RAPGEF5: variants seen among roughly 807,000 people sequenced by gnomAD.
The protein encoded by RAPGEF5 is Rap guanine nucleotide exchange factor 5.
RAPGEF5 carries 65 observed loss-of-function variants against 125.2 expected under a neutral mutation model. The ratio of observed to expected loss-of-function variants is 0.52; its 90% CI spans 0.43 to 0.64. RAPGEF5 has a LOEUF of 0.64. RAPGEF5 is among the 30% of genes least tolerant of loss of function. The pLI is 0.00. For missense variants in RAPGEF5, 958 were observed against 1,048.1 expected (o/e 0.91, Z 1.19); for synonymous variants, 391 against 385.9 (o/e 1.01, Z -0.16).
chr7:22,335,774 T>C (rs1185923650), intron 1 of RAPGEF5, among the ~76,000 whole-genome samples: 1 of 151,140 alleles, frequency 6.6e-6, no homozygotes, highest in African/African-American at 2.4e-5. Flanking sequence ...CACCATTTAG[T>C]CATTTAAAAA....
At chr7:22,164,418 G>A (rs1562731803) in intron 12 of RAPGEF5, among the ~76,000 whole-genome samples, 1 of 1,692 alleles carries the variant, frequency 5.9e-4, no homozygotes, top group African/African-American at 1.0e-3. Context: ...ATAAAGAAAA[G>A]AAATCAAGAA....
chr7:22,258,670 G>T (rs1357247478), intron 7 of RAPGEF5, among the ~76,000 whole-genome samples: 1 of 148,590 alleles, frequency 6.7e-6, no homozygotes, highest in East Asian at 2.0e-4. Context: ...ATAGATCAAT[G>T]GAACAGAATA....
chr7:22,308,240 A>C, intron 5 of RAPGEF5, 99 bp downstream of exon 5: 1 of 1,202,662 alleles, frequency 8.3e-7, no homozygotes, highest in Middle Eastern at 2.0e-4. Flanking sequence ...ACTCCCTCTT[A>C]AGTGAGACAG....
At chr7:22,144,314 TATA>T (rs1783358127) in intron 20 of RAPGEF5, among the ~76,000 whole-genome samples, 1 of 152,146 alleles carries the variant, frequency 6.6e-6, no homozygotes, top group South Asian at 2.1e-4. Flanking sequence ...ATTTAATAAA[TATA>T]ATAAGTTTTC....
chr7:22,313,528 G>A (rs925463870), intron 3 of RAPGEF5, among the ~76,000 whole-genome samples: 3 of 152,164 alleles, frequency 2.0e-5, no homozygotes, highest in Non-Finnish European at 2.9e-5. Flanking sequence ...CCAGATCACA[G>A]GAAAACACAT....
rs538642184 is a variant in RAPGEF5 at position 22,167,159 on chromosome 7, A to C, written c.1205-11T>G. The stretch of plus-strand genomic sequence containing the variant: ...CATCCAGGAGGGTCTCTGCAAAGAA[A>C]AAAAAAACAAACACAAGGTAAGCAA... On this transcript the variant is annotated splice_polypyrimidine_tract_variant and intron_variant, in intron 11 of 25. Transcript: ENST00000665637. The C allele has an allele frequency of 2.4e-5, 39 of 1,603,232 alleles. No homozygotes were observed. In the East Asian group the frequency reaches 6.9e-4, roughly 28 times the overall value.
intron 11 of RAPGEF5, among the ~76,000 whole-genome samples, chr7:22,187,191 C>G (rs1244077933): frequency 6.6e-6 from 1 of 152,186 alleles, no homozygotes; most frequent in East Asian, 1.9e-4. Context: ...TGGAGGTCAT[C>G]TACACCAATT....
chr7:22,149,417 T>C lies in RAPGEF5; in HGVS notation c.1884+990A>G, dbSNP rs897300494. Among the ~76,000 whole-genome samples the C allele has an allele frequency of 3.3e-5, 5 of 152,194 alleles. No individual in the cohort carries two copies. The South Asian group carries it at 1.0e-3, about 32-fold the overall frequency. On this transcript the variant is annotated intron_variant, in intron 18 of 25. Transcript: ENST00000665637. ...TCCATGAAGAGATGGGGACTCTGAG[T>C]TCCAGACACAATCGCAATCTGCTAG...
intron 19 of RAPGEF5, among the ~76,000 whole-genome samples, chr7:22,146,529 T>C (rs1041506334): frequency 2.6e-5 from 4 of 152,214 alleles, no homozygotes; most frequent in African/African-American, 9.6e-5. Flanking sequence ...TACATAAATA[T>C]GAATATGATT....
At chr7:22,317,402 G>A (rs1296563969) in intron 2 of RAPGEF5, among the ~76,000 whole-genome samples, 2 of 151,772 alleles carry the variant, frequency 1.3e-5, no homozygotes, top group Non-Finnish European at 2.9e-5. Flanking sequence ...CACCACGCCC[G>A]GCTAATTTTT....
Position 22,331,912 on chromosome 7 carries a change from C to T in RAPGEF5, c.232-13875G>A, listed in dbSNP as rs137936553. Among the ~76,000 whole-genome samples, 1,036 of 152,194 alleles carry T rather than the reference C, an allele frequency of 6.8e-3. 17 individuals carry two copies. The highest frequency in any genetic ancestry group is 0.024 in the African/African-American group (989 of 41,536). On this transcript the variant is annotated intron_variant, in intron 1 of 25. Coordinates refer to ENST00000665637, the MANE Select transcript of RAPGEF5 (RefSeq NM_012294.5). Reference sequence around the variant, plus strand: ...TCCAAGAATCATGACTTAGAGGAAACTTGTTGAAAGTAATGGAAAAACTTA... The same window carrying T: ...TCCAAGAATCATGACTTAGAGGAAATTTGTTGAAAGTAATGGAAAAACTTA...
At chr7:22,179,863 C>T (rs1010044410) in intron 11 of RAPGEF5, among the ~76,000 whole-genome samples, 1 of 152,150 alleles carries the variant, frequency 6.6e-6, no homozygotes, top group African/African-American at 2.4e-5. Flanking sequence ...AGGGGAGGAA[C>T]GTTGAGTCTC....
At chr7:22,276,369 G>A (rs1782555604) in intron 6 of RAPGEF5, among the ~76,000 whole-genome samples, 3 of 152,038 alleles carry the variant, frequency 2.0e-5, no homozygotes, top group Admixed American at 6.5e-5. Context: ...TTTATTCTAT[G>A]TTACACACCA....
chr7:22,195,468 A>C (rs1936482974), intron 9 of RAPGEF5, among the ~76,000 whole-genome samples: 1 of 152,214 alleles, frequency 6.6e-6, no homozygotes, highest in South Asian at 2.1e-4. Context: ...TTCTTTTTTA[A>C]TCTTTTAGTG....
intron 9 of RAPGEF5, among the ~76,000 whole-genome samples, chr7:22,217,927 T>C (rs1005770182): frequency 2.0e-5 from 3 of 152,198 alleles, no homozygotes; most frequent in Non-Finnish European, 4.4e-5. Context: ...TTCTGCCTCA[T>C]GTTAAAAGCC....
At chr7:22,227,924 A>T (rs78408503) in intron 8 of RAPGEF5, among the ~76,000 whole-genome samples, 2,037 of 152,320 alleles carry the variant, frequency 0.013, 41 homozygotes, top group African/African-American at 0.047. Flanking sequence ...TTTTCAGTAC[A>T]TTTTGACAAA....
chr7:22,182,157 TA>T lies in RAPGEF5; in HGVS notation c.1204+11209del, dbSNP rs1483288780. Among the ~76,000 whole-genome samples, 3 of 152,294 alleles carry T rather than the reference TA, an allele frequency of 2.0e-5. No individual in the cohort carries two copies. The East Asian group carries it at 5.8e-4, about 29-fold the overall frequency. ...CATTTTCTGATAGAATGCTAAATTTTACTTGAGGAAGATGTCATAAACATTT... is the reference window on the plus strand; with the variant it reads ...CATTTTCTGATAGAATGCTAAATTTTCTTGAGGAAGATGTCATAAACATTT... On this transcript the variant is annotated intron_variant, in intron 11 of 25. Transcript: ENST00000665637.
intron 1 of RAPGEF5, among the ~76,000 whole-genome samples, chr7:22,328,509 GTA>G (rs1235780368): frequency 6.6e-6 from 1 of 152,114 alleles, no homozygotes; most frequent in Admixed American, 6.5e-5. Context: ...GTCAATTTTT[GTA>G]TATACAAACA....
At position 22,197,900 on chromosome 7, in the gene RAPGEF5, G is replaced by GGGA. The variant is rs1554327466; in HGVS notation, c.997-3868_997-3867insTCC. Among the ~76,000 whole-genome samples, 595 of 145,132 alleles carry GGGA rather than the reference G, an allele frequency of 4.1e-3. 22 individuals carry two copies. The East Asian group carries it at 0.05, about 12-fold the overall frequency. On this transcript the variant is annotated intron_variant, in intron 9 of 25. Transcript: ENST00000665637. ...CTCTTTTTTCTTTTTTTTTGGGGGG[G>GGGA]GGTGGTAGGAGGACATTCTCACTCT... is the stretch of plus-strand genomic sequence containing the variant.
Sources: gnomAD v4.1 joint callset for allele counts (sites outside exome capture counted in the v4.1 genomes callset) on GRCh38, gnomAD v4.1.1 for gene constraint, MANE v1.5 for transcripts, NCBI Gene and HGNC (gene_info 2026-07-23, HGNC 2026-07-21) for gene names.